The following ARHGAP22 variants were observed in gnomAD, a reference collection of about 807,000 sequenced individuals.
The protein encoded by ARHGAP22 is Rho GTPase activating protein 22.
In ARHGAP22, 48 loss-of-function variants were observed where a neutral mutation model predicts 59.1. The observed-to-expected ratio is 0.81, with a 90% CI of 0.64 to 1.03. The LOEUF is 1.03. ARHGAP22 is among the 50% of genes least tolerant of loss of function. ARHGAP22 has a pLI of 0.00. For synonymous variants in ARHGAP22, 445 were observed against 416.4 expected, an observed-to-expected ratio of 1.07 and a Z score of -0.84; for missense variants, 1,015 against 958.7, an observed-to-expected ratio of 1.06 and a Z score of -0.78.
intron 3 of ARHGAP22, among the ~76,000 whole-genome samples, chr10:48,494,263 T>C (rs574401650): frequency 1.3e-5 from 2 of 152,290 alleles, no homozygotes; most frequent in East Asian, 3.9e-4. Flanking sequence ...TGAACTCAGC[T>C]GTTGTGGATT....
intron 3 of ARHGAP22, among the ~76,000 whole-genome samples, chr10:48,501,480 C>T (rs2134375941): frequency 6.6e-6 from 1 of 152,312 alleles, no homozygotes; most frequent in Admixed American, 6.5e-5. Flanking sequence ...GGGGTTGCAG[C>T]TGAAGGCATA....
At chr10:48,652,246 C>T in exon 1 of ARHGAP22, 2 of 1,535,636 alleles carry the variant, frequency 1.3e-6, no homozygotes, top group African/African-American at 1.4e-5. Flanking sequence ...AAATATCTGG[C>T]TGCAAACGTC....
At chr10:48,606,664 C>G (rs935283), upstream of ARHGAP22, among the ~76,000 whole-genome samples, 135,528 of 152,242 alleles carry the variant, frequency 0.89, 61,788 homozygotes, top group Non-Finnish European at 0.99. Flanking sequence ...AGCCCCTGCT[C>G]TCCTGTGCCT....
intron 3 of ARHGAP22, among the ~76,000 whole-genome samples, chr10:48,531,493 A>G (rs1415638506): frequency 6.6e-6 from 1 of 152,234 alleles, no homozygotes; most frequent in Non-Finnish European, 1.5e-5. Flanking sequence ...TTAGGCAGTT[A>G]CAGATAGCTG....
upstream of ARHGAP22, among the ~76,000 whole-genome samples, chr10:48,608,484 A>G (rs2060759966): frequency 6.6e-6 from 1 of 152,212 alleles, no homozygotes; most frequent in Non-Finnish European, 1.5e-5. Context: ...CTGTTCCAGA[A>G]GCTGCATGGA....
At chr10:48,633,488 C>A (rs548405665) in intron 1 of ARHGAP22, among the ~76,000 whole-genome samples, 79 of 152,338 alleles carry the variant, frequency 5.2e-4, no homozygotes, top group African/African-American at 1.8e-3. Flanking sequence ...TTACCCTGTG[C>A]CTTTCCTTGA....
chr10:48,484,985 G>T (rs1012302280), intron 3 of ARHGAP22, among the ~76,000 whole-genome samples: 1 of 152,160 alleles, frequency 6.6e-6, no homozygotes, highest in African/African-American at 2.4e-5. Flanking sequence ...AAACATTTTA[G>T]GTTTTTAGGC....
chr10:48,574,001 G>A (rs1370544805), intron 2 of ARHGAP22, among the ~76,000 whole-genome samples: 1 of 152,184 alleles, frequency 6.6e-6, no homozygotes, highest in Non-Finnish European at 1.5e-5. Flanking sequence ...TTGAACAAGT[G>A]TTTATTGAGC....
rs769811709 is a variant in ARHGAP22 at position 48,450,348 on chromosome 10, C to T, written c.1781G>A (p.Arg594His). The T allele has an allele frequency of 6.3e-7, 1 of 1,592,456 alleles. No individual in the cohort carries two copies. The highest frequency in any genetic ancestry group is 8.5e-7 in the Non-Finnish European group (1 of 1,170,062). The change falls in exon 9 of 10, where the codon CGC (arginine) becomes CAC (histidine). Residue 594 changes from arginine (R) to histidine (H), a missense_variant. Coordinates refer to ENST00000249601, the MANE Select transcript of ARHGAP22 (RefSeq NM_021226.4). ...EPDSPTREHA[R>H]RSEALQGLVT... ...CAGCCCCTGTAAGGCCTCGGAGCGG[C>T]GCGCGTGTTCCCGGGTGGGGCTGTC...
chr10:48,641,823 C>T (rs946355506), intron 1 of ARHGAP22, among the ~76,000 whole-genome samples: 35 of 152,246 alleles, frequency 2.3e-4, no homozygotes, highest in African/African-American at 7.7e-4. Flanking sequence ...TTGCAGATGA[C>T]ATGATTGTAT....
chr10:48,472,946 A>G (rs1342078510), intron 4 of ARHGAP22, among the ~76,000 whole-genome samples: 1 of 152,222 alleles, frequency 6.6e-6, no homozygotes, highest in Non-Finnish European at 1.5e-5. Context: ...GGCTCCTCAA[A>G]AAATTAAAAA....
At chr10:48,503,192 CATGTTAAATGGAAT>C (rs2051713120) in intron 3 of ARHGAP22, among the ~76,000 whole-genome samples, 1 of 152,132 alleles carries the variant, frequency 6.6e-6, no homozygotes, top group East Asian at 1.9e-4. Context: ...AAAACAGCAG[CATGTTAAATGGAAT>C]ATGTTAACTG....
chr10:48,466,848 G>C (rs2047769312), intron 4 of ARHGAP22, among the ~76,000 whole-genome samples: 2 of 152,152 alleles, frequency 1.3e-5, no homozygotes. Context: ...GTCGGCCCCC[G>C]TGGGGGATCT....
At chr10:48,493,300 C>T (rs1327521852) in intron 3 of ARHGAP22, 1 of 956,216 alleles carries the variant, frequency 1.0e-6, no homozygotes. Context: ...GCTGTCCTCC[C>T]AGTCTTCATT....
At chr10:48,469,216 C>A (rs1051306643) in intron 4 of ARHGAP22, among the ~76,000 whole-genome samples, 1 of 152,228 alleles carries the variant, frequency 6.6e-6, no homozygotes, top group African/African-American at 2.4e-5. Flanking sequence ...CCTGCAGGCA[C>A]CACCCATTAG....
At chr10:48,555,331 A>G (rs1173085290) in intron 3 of ARHGAP22, 132 bp downstream of exon 3, 2 of 818,636 alleles carry the variant, frequency 2.4e-6, no homozygotes, top group East Asian at 5.2e-5. Context: ...TTTGGCCCAC[A>G]TTTCCGAGTC....
chr10:48,459,060 A>T (rs1368967536), intron 5 of ARHGAP22, among the ~76,000 whole-genome samples: 1 of 152,206 alleles, frequency 6.6e-6, no homozygotes, highest in Admixed American at 6.5e-5. Flanking sequence ...AGAGAACTCT[A>T]TGAAAAAACT....
At chr10:48,576,613 CT>C (rs201745785) in intron 2 of ARHGAP22, among the ~76,000 whole-genome samples, 8 of 151,250 alleles carry the variant, frequency 5.3e-5, no homozygotes, top group African/African-American at 1.2e-4. Flanking sequence ...TCTTATTTCA[CT>C]TTTTTTTTAC....
chr10:48,648,345 C>T (rs1286383762), intron 1 of ARHGAP22, among the ~76,000 whole-genome samples: 1 of 152,138 alleles, frequency 6.6e-6, no homozygotes, highest in Non-Finnish European at 1.5e-5. Flanking sequence ...GGTGGGACTG[C>T]ACTTCCTGGG....
Sources: allele counts gnomAD v4.1 joint callset (sites outside exome capture counted in the v4.1 genomes callset), GRCh38; gene constraint gnomAD v4.1.1; transcripts MANE v1.5; gene names NCBI Gene and HGNC (gene_info 2026-07-23, HGNC 2026-07-21).